TRIM5: variants seen among roughly 807,000 people sequenced by gnomAD.
The protein encoded by TRIM5 is tripartite motif containing 5.
TRIM5 carries 31 observed loss-of-function variants against 35.6 expected under a neutral mutation model. The observed-to-expected ratio is 0.87, with a 90% CI of 0.65 to 1.18. TRIM5 has a LOEUF of 1.18. Ranked by LOEUF, TRIM5 falls within the 50% of genes most tolerant of loss-of-function variation. The pLI, the probability that TRIM5 is intolerant of heterozygous loss-of-function variation, is 0.00. For missense variants in TRIM5, 609 were observed against 591.6 expected (o/e 1.03, Z -0.31); for synonymous variants, 243 against 215.6 (o/e 1.13, Z -1.11).
downstream of TRIM5, among the ~76,000 whole-genome samples, chr11:5,661,153 G>C (rs998247271): frequency 6.9e-6 from 1 of 145,280 alleles, no homozygotes; most frequent in Admixed American, 7.0e-5. Context: ...TACTGAATAG[G>C]ATCAAGGAGC....
At chr11:5,641,373 A>T in the TRIM5 span, 2 of 1,384,206 alleles carry the variant, frequency 1.4e-6, no homozygotes, top group South Asian at 1.7e-5. Flanking sequence ...AATGGACTCG[A>T]TCCTATGTTA....
the TRIM5 span, chr11:5,634,011 A>C: frequency 8.8e-7 from 1 of 1,137,818 alleles, no homozygotes; most frequent in Non-Finnish European, 1.2e-6. Flanking sequence ...AAGCCATTTG[A>C]TTAGTTCTCT....
Position 5,663,362 on chromosome 11 carries a change from A to T in TRIM5, c.*1447T>A. ...ACACTAGAATTACAATAAAATCCTA[A>T]ATATATGTGTGTATTATATATAGAA... On this transcript the variant is annotated 3_prime_UTR_variant, in exon 8 of 8. Coordinates refer to ENST00000380034, the MANE Select transcript of TRIM5 (RefSeq NM_033034.3). 1 of 962,088 alleles carries T rather than the reference A, an allele frequency of 1.0e-6. No individual in the cohort carries two copies. Among genetic ancestry groups the T allele is most frequent in the Non-Finnish European group, 1.2e-6 (1 of 808,684 alleles). The allele number at this position is 962,088 out of a possible 1,614,324, so 59.6% of individuals were successfully genotyped here.
the TRIM5 span, among the ~76,000 whole-genome samples, chr11:5,653,213 CG>C: frequency 1.3e-5 from 2 of 152,114 alleles, no homozygotes; most frequent in South Asian, 4.1e-4. Context: ...CATCTCCCTG[CG>C]TAACTGTATT....
At chr11:5,647,071 G>C in the TRIM5 span, among the ~76,000 whole-genome samples, 1 of 152,208 alleles carries the variant, frequency 6.6e-6, no homozygotes, top group Non-Finnish European at 1.5e-5. Context: ...GGGTGTTTGA[G>C]ACGTATCAGG....
chr11:5,622,649 G>A, the TRIM5 span, among the ~76,000 whole-genome samples: 2 of 151,898 alleles, frequency 1.3e-5, no homozygotes, highest in Non-Finnish European at 2.9e-5. Flanking sequence ...AAAAAAAACC[G>A]GAAAAAACTC....
At chr11:5,604,534 G>A in the TRIM5 span, 2 of 1,609,226 alleles carry the variant, frequency 1.2e-6, no homozygotes. Flanking sequence ...TTTCTTCAAG[G>A]AGAAGTTTCA....
At chr11:5,605,824 T>A in the TRIM5 span, among the ~76,000 whole-genome samples, 103,445 of 152,150 alleles carry the variant, frequency 0.68, 36,383 homozygotes, top group African/African-American at 0.86. Context: ...TGTGGAGAAG[T>A]TCTGTTGTAT....
chr11:5,684,420 A>AT (rs1852852803), intron 1 of TRIM5, among the ~76,000 whole-genome samples: 1 of 151,944 alleles, frequency 6.6e-6, no homozygotes, highest in South Asian at 2.1e-4. Context: ...AACTCCATTT[A>AT]CAGTGACAAT....
At chr11:5,646,390 T>C in the TRIM5 span, among the ~76,000 whole-genome samples, 19,276 of 152,110 alleles carry the variant, frequency 0.13, 1,599 homozygotes, top group East Asian at 0.38. Flanking sequence ...AGTCTCTTGG[T>C]TATTCTCCAT....
the TRIM5 span, among the ~76,000 whole-genome samples, chr11:5,602,186 G>T: frequency 6.6e-6 from 1 of 151,876 alleles, no homozygotes; most frequent in East Asian, 1.9e-4. Context: ...CATGCCTGTA[G>T]TCCCAACCCT....
chr11:5,656,357 T>TC, the TRIM5 span, among the ~76,000 whole-genome samples: 1 of 86,614 alleles, frequency 1.2e-5, no homozygotes, highest in South Asian at 6.2e-4. Context: ...AACAGACACT[T>TC]TTTTTTTTTT....
chr11:5,665,360 C>T lies in TRIM5; in HGVS notation c.931G>A (p.Ala311Thr), dbSNP rs952259117. The change falls in exon 8 of 8, where the codon GCT (alanine) becomes ACT (threonine). Residue 311 changes from alanine (A) to threonine (T), a missense_variant. By Grantham distance (58) the Ala-to-Thr change is moderately conservative. Transcript: ENST00000380034. Reference sequence around the variant, plus strand: ...TGTCTCTTATCTTCAGAAATGACAGCACATGAAATGTTGTTTGGAGCCACT... The same window carrying T: ...TGTCTCTTATCTTCAGAAATGACAGTACATGAAATGTTGTTTGGAGCCACT... ...VTVAPNNISC[A>T]VISEDKRQVS... 6.2e-7 allele frequency: 1 copy of T among 1,612,730 alleles called. No homozygotes were observed. Among genetic ancestry groups the T allele is most frequent in the African/African-American group, 1.3e-5 (1 of 74,850 alleles).
chr11:5,653,467 G>GT, the TRIM5 span, among the ~76,000 whole-genome samples: 3 of 147,070 alleles, frequency 2.0e-5, no homozygotes, highest in Non-Finnish European at 4.5e-5. Flanking sequence ...ATGGCAAACT[G>GT]TTTTTTCCGA....
the TRIM5 span, among the ~76,000 whole-genome samples, chr11:5,627,905 C>G: frequency 1.1e-4 from 16 of 152,222 alleles, no homozygotes; most frequent in Non-Finnish European, 1.9e-4. Context: ...TGCAGAGAGA[C>G]TTAAAGTTTG....
chr11:5,670,594 G>C (rs60390240), intron 4 of TRIM5, among the ~76,000 whole-genome samples: 1 of 152,092 alleles, frequency 6.6e-6, no homozygotes, highest in Admixed American at 6.6e-5. Context: ...ATATGGAAAG[G>C]ATAAGTGAAA....
the TRIM5 span, among the ~76,000 whole-genome samples, chr11:5,591,713 A>G: frequency 6.6e-6 from 1 of 151,118 alleles, no homozygotes; most frequent in African/African-American, 2.4e-5. Flanking sequence ...ATGCTGGGAG[A>G]CATGATCTGA....
At chr11:5,655,653 A>G in the TRIM5 span, 3 of 985,440 alleles carry the variant, frequency 3.0e-6, no homozygotes, top group Non-Finnish European at 3.6e-6. Context: ...TAAGGAACCA[A>G]TGTTATGGAG....
At chr11:5,602,877 C>G in the TRIM5 span, among the ~76,000 whole-genome samples, 3 of 152,088 alleles carry the variant, frequency 2.0e-5, no homozygotes, top group African/African-American at 7.2e-5. Flanking sequence ...TTGCTTGAAC[C>G]TGGGAGGCGG....
Sources: gnomAD v4.1 joint callset for allele counts (sites outside exome capture counted in the v4.1 genomes callset) on GRCh38, gnomAD v4.1.1 for gene constraint, MANE v1.5 for transcripts, NCBI Gene and HGNC (gene_info 2026-07-23, HGNC 2026-07-21) for gene names.